PAK1IP1: variants seen among roughly 807,000 people sequenced by gnomAD.
PAK1IP1 encodes PAK1 interacting protein 1, also known as p21-activated protein kinase-interacting protein 1.
In PAK1IP1, 24 loss-of-function variants were observed where a neutral mutation model predicts 42.0. That is an observed-to-expected ratio of 0.57 (90% CI 0.41 to 0.80). PAK1IP1 has a LOEUF of 0.80. PAK1IP1 is among the 30% of genes least tolerant of loss of function. The probability of loss-of-function intolerance (pLI) is 0.00; values close to 1 mark genes in which losing one functional copy is unlikely to be tolerated. For synonymous variants in PAK1IP1, 154 were observed against 156.7 expected, an observed-to-expected ratio of 0.98 and a Z score of 0.13; for missense variants, 411 against 467.9, an observed-to-expected ratio of 0.88 and a Z score of 1.12.
At chr6:10,699,679 G>A (rs1769966963) in intron 2 of PAK1IP1, among the ~76,000 whole-genome samples, 1 of 152,192 alleles carries the variant, frequency 6.6e-6, no homozygotes, top group South Asian at 2.1e-4. Flanking sequence ...AAGAAAGGCA[G>A]ATAAAATGGT....
chr6:10,705,426 A>T (rs1047424807), intron 7 of PAK1IP1, among the ~76,000 whole-genome samples: 6 of 152,216 alleles, frequency 3.9e-5, no homozygotes, highest in African/African-American at 1.4e-4. Flanking sequence ...AATCAAGCAT[A>T]TTTGAACAAA....
At position 10,709,308 on chromosome 6, in the gene PAK1IP1, A is replaced by G. The variant is rs1581588407; in HGVS notation, c.1035A>G (p.Ser345=). The G allele has an allele frequency of 1.2e-6, 2 of 1,614,176 alleles. No individual in the cohort carries two copies. Among genetic ancestry groups the G allele is most frequent in the Non-Finnish European group, 1.7e-6 (2 of 1,180,016 alleles). The change falls in exon 10 of 10, where the codon TCA becomes TCG. Residue 345 remains serine, a synonymous_variant. Transcript: ENST00000379568. ...CAGTGCACAAAGAAGAAAAGCGGTC[A>G]AAACCTAACACAAAGAAACGCGGTT... ...GDTVHKEEKR[S]KPNTKKRGLT...
chr6:10,694,045 CG>C (rs1769608060), upstream of PAK1IP1, among the ~76,000 whole-genome samples: 1 of 152,042 alleles, frequency 6.6e-6, no homozygotes, highest in Non-Finnish European at 1.5e-5. Flanking sequence ...GGATCACCTG[CG>C]GTCGGGAGTT....
intron 8 of PAK1IP1, among the ~76,000 whole-genome samples, chr6:10,708,618 G>A (rs530441912): frequency 7.3e-6 from 1 of 136,234 alleles, no homozygotes; most frequent in African/African-American, 3.8e-5. Context: ...CTATGTTGGT[G>A]TGCTGCACCC....
chr6:10,697,530 T>C, intron 2 of PAK1IP1, 44 bp downstream of exon 2: 1 of 1,416,512 alleles, frequency 7.1e-7, no homozygotes. Flanking sequence ...AGAGGTTTTC[T>C]TTACAATTTG....
chr6:10,698,989 A>T (rs1301995112), intron 2 of PAK1IP1, among the ~76,000 whole-genome samples: 1 of 152,108 alleles, frequency 6.6e-6, no homozygotes. Context: ...GCGTGAGGTC[A>T]GGAGATTGAG....
intron 5 of PAK1IP1, among the ~76,000 whole-genome samples, 169 bp from the exon 6 acceptor site, chr6:10,704,338 T>C (rs897578475): frequency 1.3e-5 from 2 of 152,196 alleles, no homozygotes; most frequent in African/African-American, 2.4e-5. Context: ...CTTTGACTTT[T>C]TGAACCTAGA....
rs1770292770 is a variant in PAK1IP1 at position 10,708,950 on chromosome 6, T to G, written c.841-3T>G. The stretch of plus-strand genomic sequence containing the variant: ...ATTATGAATGTTTGTTTCTTCTGTT[T>G]AGAAAGTTCCCCCATCTTTACTCTG... On this transcript the variant is annotated splice_polypyrimidine_tract_variant and splice_region_variant and intron_variant, in intron 8 of 9. Transcript: ENST00000379568. 1 of 1,602,858 alleles carries G rather than the reference T, an allele frequency of 6.2e-7. No individual in the cohort carries two copies. The highest frequency in any genetic ancestry group is 1.7e-5 in the Admixed American group (1 of 58,002).
chr6:10,693,037 TAA>T (rs902230836), upstream of PAK1IP1, among the ~76,000 whole-genome samples: 2 of 151,796 alleles, frequency 1.3e-5, no homozygotes, highest in Non-Finnish European at 2.9e-5. Context: ...TTTTAAAGAC[TAA>T]CTTACTTCAA....
upstream of PAK1IP1, among the ~76,000 whole-genome samples, chr6:10,693,708 G>C (rs1018076379): frequency 3.9e-5 from 6 of 152,150 alleles, no homozygotes; most frequent in African/African-American, 1.4e-4. Context: ...AGACATACCT[G>C]AATCTCTAAA....
At chr6:10,704,458 TTA>T in intron 5 of PAK1IP1, 47 bp from the exon 6 acceptor site, 1 of 1,102,604 alleles carries the variant, frequency 9.1e-7, no homozygotes, top group Non-Finnish European at 1.3e-6. Flanking sequence ...TATGATCATT[TTA>T]TGTTTTATTT....
At chr6:10,707,882 G>A (rs1227176515) in intron 8 of PAK1IP1, among the ~76,000 whole-genome samples, 1 of 152,076 alleles carries the variant, frequency 6.6e-6, no homozygotes, top group Non-Finnish European at 1.5e-5. Context: ...AGACACTTTG[G>A]AAAATTGAAT....
chr6:10,700,367 A>T (rs951289127), intron 2 of PAK1IP1, among the ~76,000 whole-genome samples: 2 of 152,142 alleles, frequency 1.3e-5, no homozygotes, highest in African/African-American at 4.8e-5. Flanking sequence ...CAAAAAAAAC[A>T]ACTTTTATAA....
chr6:10,704,960 T>C lies in PAK1IP1; in HGVS notation c.740+116T>C, dbSNP rs1308620564. 1.4e-5 allele frequency: 10 copies of C among 712,720 alleles called. No homozygotes were observed. In the Admixed American group the frequency reaches 1.6e-4, roughly 11 times the overall value. The allele number at this position is 712,720 out of a possible 1,614,324, so 44.1% of individuals were successfully genotyped here. The stretch of plus-strand genomic sequence containing the variant: ...ACAACTGCAGAAATAATCAGACATA[T>C]CTACATGTACAGTATATGGTATCTG... On this transcript the variant is annotated intron_variant, in intron 7 of 9. Transcript: ENST00000379568.
intron 2 of PAK1IP1, among the ~76,000 whole-genome samples, chr6:10,701,917 A>C (rs1334393086): frequency 6.6e-6 from 1 of 152,132 alleles, no homozygotes; most frequent in African/African-American, 2.4e-5. Context: ...TACATGAAAA[A>C]ATTTAAGGTA....
chr6:10,692,730 T>G (rs1769448881), upstream of PAK1IP1, among the ~76,000 whole-genome samples: 1 of 152,056 alleles, frequency 6.6e-6, no homozygotes, highest in South Asian at 2.1e-4. Context: ...CCATTTTATT[T>G]TATTTTTTGA....
rs759073628 is a variant in PAK1IP1, at chr6:10,704,748, A to G, written c.644A>G (p.Glu215Gly). 5 of 1,610,228 alleles carry G rather than the reference A, an allele frequency of 3.1e-6. No homozygotes were observed. The Admixed American group carries it at 5.0e-5, about 16-fold the overall frequency. Residue 215 changes from glutamate to glycine, a missense_variant and splice_region_variant, in exon 7 of 10, where the codon GAG becomes GGG. Transcript: ENST00000379568. ...KRISSVKFLS[E>G]SVLAVAGDEE... ...ATTACTCTTTTTCCTCTCTCCTAGG[A>G]GTCTGTCCTTGCAGTGGCTGGAGAT...
At chr6:10,695,635 T>C (rs1440837359) in intron 1 of PAK1IP1, among the ~76,000 whole-genome samples, 1 of 152,134 alleles carries the variant, frequency 6.6e-6, no homozygotes, top group East Asian at 1.9e-4. Flanking sequence ...CAGCAGAATA[T>C]GATATTACTA....
chr6:10,707,497 A>G lies in PAK1IP1; in HGVS notation c.823A>G (p.Lys275Glu). The G allele has an allele frequency of 1.2e-6, 2 of 1,601,296 alleles. No individual in the cohort carries two copies. Among genetic ancestry groups the G allele is most frequent in the Non-Finnish European group, 1.7e-6 (2 of 1,168,218 alleles). ...ASSDGFIKMW[K>E]LKQDKKVPPS... is the part of the protein sequence containing the mutation. ...GAGTGATGGTTTCATCAAAATGTGG[A>G]AGCTTAAGCAGGATAAGGTCAGTGC... The change falls in exon 8 of 10, where the codon AAG (lysine) becomes GAG (glutamate). Residue 275 changes from lysine to glutamate, a missense_variant. By Grantham distance (56) the Lys-to-Glu change is moderately conservative. Coordinates refer to ENST00000379568, the MANE Select transcript of PAK1IP1 (RefSeq NM_017906.3).
Sources: gnomAD v4.1 joint callset for allele counts (sites outside exome capture counted in the v4.1 genomes callset) on GRCh38, gnomAD v4.1.1 for gene constraint, MANE v1.5 for transcripts, NCBI Gene and HGNC (gene_info 2026-07-23, HGNC 2026-07-21) for gene names.